Variants in COL27A1 observed in about 807,000 individuals in gnomAD.
COL27A1 encodes the protein collagen alpha-1(XXVII) chain.
COL27A1 carries 106 observed loss-of-function variants against 251.3 expected under a neutral mutation model. That is an observed-to-expected ratio of 0.42 (90% CI 0.36 to 0.50). COL27A1 has a LOEUF of 0.50. COL27A1 is among the 20% of genes least tolerant of loss of function. The probability of loss-of-function intolerance (pLI) is 0.00; values close to 1 mark genes in which losing one functional copy is unlikely to be tolerated. For synonymous variants in COL27A1, 1,000 were observed against 986.3 expected (o/e 1.01, Z -0.26); for missense variants, 2,325 against 2,522.8 (o/e 0.92, Z 1.68).
intron 5 of COL27A1, among the ~76,000 whole-genome samples, chr9:114,186,401 G>A (rs537734442): frequency 1.3e-5 from 2 of 152,254 alleles, no homozygotes; most frequent in South Asian, 2.1e-4. Flanking sequence ...GGCAGGCATG[G>A]TCCCTGCCCT....
chr9:114,270,733 G>T lies in COL27A1; in HGVS notation c.3561G>T (p.Glu1187Asp). ...TTCTCCATCACCTTTTCCAGGGAGA[G>T]CCAGGCCTTGAGGGTGACAGTGGCC... The part of the protein sequence containing the change: ...GEQGLIGQRG[E>D]PGLEGDSGPM... Residue 1187 changes from glutamate to aspartate, a missense_variant, in exon 36 of 61, where the codon GAG (glutamate) becomes GAT (aspartate). By Grantham distance (45) the Glu-to-Asp change is conservative (BLOSUM62 2). Around this residue, in one of 4 missense-constraint regions of COL27A1, gnomAD observed 662 missense variants for 795.3 expected, o/e 0.83. Transcript: ENST00000356083. The T allele has an allele frequency of 1.2e-6, 2 of 1,612,156 alleles. No individual in the cohort carries two copies. The highest frequency in any genetic ancestry group is 1.7e-6 in the Non-Finnish European group (2 of 1,178,946).
chr9:114,278,124 A>C (rs1835617602), intron 37 of COL27A1, among the ~76,000 whole-genome samples: 1 of 151,846 alleles, frequency 6.6e-6, no homozygotes, highest in African/African-American at 2.4e-5. Flanking sequence ...TTAGAGGAGA[A>C]AGTGACTAGA....
rs768099090 is a variant in COL27A1 at position 114,168,629 on chromosome 9, G to T, written c.1074G>T (p.Lys358Asn). ...PRPAAAQPSQ[K>N]ITATKIPKSL... ...CTGCGGCCGCTCAACCATCACAGAA[G>T]ATCACAGCCACCAAAATCCCCAAAA... Residue 358 changes from lysine to asparagine, a missense_variant, in exon 3 of 61, where the codon AAG becomes AAT. Around this residue, in one of 4 missense-constraint regions of COL27A1, gnomAD observed 1,183 missense variants for 1,144.1 expected, o/e 1.03. Transcript: ENST00000356083. 6.2e-7 allele frequency: 1 copy of T among 1,614,036 alleles called. No homozygotes were observed. Among genetic ancestry groups the T allele is most frequent in the Non-Finnish European group, 8.5e-7 (1 of 1,180,024 alleles).
chr9:114,208,979 C>G (rs1830167051), intron 10 of COL27A1, among the ~76,000 whole-genome samples: 1 of 152,002 alleles, frequency 6.6e-6, no homozygotes, highest in African/African-American at 2.4e-5. Flanking sequence ...GGTGACGAGC[C>G]CCAGCTGTGG....
chr9:114,288,038 C>T (rs1055001498), intron 41 of COL27A1, among the ~76,000 whole-genome samples: 2 of 152,162 alleles, frequency 1.3e-5, no homozygotes, highest in South Asian at 2.1e-4. Context: ...GAGTCCTCAC[C>T]ACTCCTTGAT....
chr9:114,202,400 T>C (rs951796664), intron 7 of COL27A1, among the ~76,000 whole-genome samples: 4 of 152,162 alleles, frequency 2.6e-5, no homozygotes, highest in African/African-American at 7.2e-5. Context: ...AGAGTGAGCT[T>C]CAGAGAGGAT....
chr9:114,160,241 G>A (rs1042311737), intron 1 of COL27A1, among the ~76,000 whole-genome samples: 5 of 150,784 alleles, frequency 3.3e-5, no homozygotes, highest in South Asian at 2.1e-4. Flanking sequence ...TGCAAGCTCC[G>A]CCTCCTGGGT....
chr9:114,231,256 G>A (rs1441409250), intron 15 of COL27A1, 124 bp downstream of exon 15: 36 of 928,748 alleles, frequency 3.9e-5, no homozygotes, highest in Non-Finnish European at 4.9e-5. Context: ...AGGATGCTCA[G>A]AGGGGTGCTA....
chr9:114,217,758 C>G (rs1174345040), intron 12 of COL27A1: 2 of 470,402 alleles, frequency 4.3e-6, no homozygotes, highest in African/African-American at 4.0e-5. Flanking sequence ...AGTTGCTTTC[C>G]TCTCCTACCA....
chr9:114,264,249 C>A, intron 28 of COL27A1, 106 bp from the exon 29 acceptor site: 2 of 820,702 alleles, frequency 2.4e-6, no homozygotes, highest in Non-Finnish European at 3.6e-6. Context: ...GGGGCCGGAG[C>A]TTGTGCAGGG....
intron 56 of COL27A1, among the ~76,000 whole-genome samples, chr9:114,304,293 C>A (rs928224212): frequency 1.3e-5 from 2 of 152,160 alleles, no homozygotes; most frequent in Non-Finnish European, 2.9e-5. Context: ...TACTATAGTG[C>A]GGCTGGTGCC....
chr9:114,179,174 G>C (rs1827703879), intron 4 of COL27A1, among the ~76,000 whole-genome samples: 1 of 152,200 alleles, frequency 6.6e-6, no homozygotes, highest in Non-Finnish European at 1.5e-5. Flanking sequence ...AGCTGCCTGG[G>C]GCATATTTTT....
chr9:114,297,405 G>T (rs1393040914), intron 49 of COL27A1, among the ~76,000 whole-genome samples: 1 of 152,082 alleles, frequency 6.6e-6, no homozygotes, highest in Non-Finnish European at 1.5e-5. Context: ...TATGCCTTAT[G>T]AATACAGATA....
Position 114,298,896 on chromosome 9 carries a change from T to G in COL27A1, c.4585-1174T>G, listed in dbSNP as rs545078783. Among the ~76,000 whole-genome samples the G allele has an allele frequency of 2.6e-5, 4 of 152,180 alleles. No homozygotes were observed. In the South Asian group the frequency reaches 6.2e-4, roughly 24 times the overall value. On this transcript the variant is annotated intron_variant, in intron 49 of 60. Transcript: ENST00000356083. ...AATCATATCTCTGATAAGGAACATGTATCTCTAATATATAAAGAACCCTTA... is the reference window on the plus strand; with the variant it reads ...AATCATATCTCTGATAAGGAACATGGATCTCTAATATATAAAGAACCCTTA...
chr9:114,217,734 C>T (rs540604155), intron 12 of COL27A1: 7 of 469,120 alleles, frequency 1.5e-5, no homozygotes, highest in African/African-American at 1.4e-4. Flanking sequence ...GACAACATTG[C>T]CCTTGTCTCA....
intron 1 of COL27A1, among the ~76,000 whole-genome samples, chr9:114,156,252 G>GGGCAGA (rs2134978803): frequency 6.6e-6 from 1 of 151,126 alleles, no homozygotes; most frequent in South Asian, 2.1e-4. Flanking sequence ...GTTGGGGCGG[G>GGGCAGA]GGCAGAGCCA....
At chr9:114,253,736 C>T (rs765491525) in intron 27 of COL27A1, among the ~76,000 whole-genome samples, 6 of 152,148 alleles carry the variant, frequency 3.9e-5, no homozygotes, top group Non-Finnish European at 8.8e-5. Context: ...ATAGTGTGAT[C>T]GTGTGGGTTA....
At chr9:114,223,628 CACACAGT>C (rs1338441959) in intron 14 of COL27A1, among the ~76,000 whole-genome samples, 2 of 152,154 alleles carry the variant, frequency 1.3e-5, no homozygotes, top group African/African-American at 4.8e-5. Context: ...ACCACAGAAA[CACACAGT>C]CCATTCCAGT....
At chr9:114,303,882 G>T (rs1028803376) in intron 56 of COL27A1, among the ~76,000 whole-genome samples, 1 of 152,238 alleles carries the variant, frequency 6.6e-6, no homozygotes, top group Non-Finnish European at 1.5e-5. Context: ...GAGAAAGGGG[G>T]CCTCCCTCAT....
Sources: gnomAD v4.1 joint callset for allele counts (sites outside exome capture counted in the v4.1 genomes callset) on GRCh38, gnomAD v4.1.1 for gene constraint, gnomAD v4.1.1 regional missense constraint, MANE v1.5 for transcripts, NCBI Gene and HGNC (gene_info 2026-07-23, HGNC 2026-07-21) for gene names.